SUN5: variants seen among roughly 807,000 people sequenced by gnomAD.
SUN5 encodes Sad1 and UNC84 domain containing 5.
A neutral mutation model predicts 53.7 loss-of-function variants in SUN5; 44 were observed. That is an observed-to-expected ratio of 0.82 (90% CI 0.64 to 1.05). The LOEUF (loss-of-function observed/expected upper bound fraction) is 1.05. Among genes scored for constraint, SUN5 ranks in the 50% least tolerant of loss-of-function variants. SUN5 has a pLI of 0.00. For synonymous variants in SUN5, 166 were observed against 179.8 expected, an observed-to-expected ratio of 0.92 and a Z score of 0.62; for missense variants, 433 against 483.8, an observed-to-expected ratio of 0.90 and a Z score of 0.98.
chr20:33,001,226 C>T lies in SUN5; in HGVS notation c.264G>A (p.Leu88=). ...CSLRTQAQQV[L]FNTCRCKLLC... ...TCCCTGCTCACCTGCACGTGTTAAA[C>T]AGAACCTGCTGGGCCTGAGTTCTCA... The change falls in exon 4 of 13, where the codon CTG becomes CTA. Residue 88 remains leucine, a synonymous_variant. Transcript: ENST00000356173. The T allele has an allele frequency of 6.3e-7, 1 of 1,575,852 alleles. No individual in the cohort carries two copies. Among genetic ancestry groups the T allele is most frequent in the Non-Finnish European group, 8.6e-7 (1 of 1,158,274 alleles).
At chr20:33,001,641 TCCTCCCTCCCTC>T (rs71190887) in intron 3 of SUN5, among the ~76,000 whole-genome samples, 5 of 67,516 alleles carry the variant, frequency 7.4e-5, no homozygotes, top group African/African-American at 2.3e-4. Context: ...TTCTTTCTTT[TCCTCCCTCCCTC>T]CCTCCCTCCC....
rs562605723 is a variant in SUN5 at position 32,986,769 on chromosome 20, C to CA, written c.730-867dup. ...TTCACTACTGCTCCAAACCTGACTG[C>CA]AGCCAGCGCTTTGCAACCCAGCCAC... On this transcript the variant is annotated intron_variant, in intron 10 of 12. Coordinates refer to ENST00000356173, the MANE Select transcript of SUN5 (RefSeq NM_080675.4). Among the ~76,000 whole-genome samples the CA allele has an allele frequency of 5.6e-4, 86 of 152,306 alleles. 1 individual carries two copies. The highest frequency in any genetic ancestry group is 6.8e-3 in the Middle Eastern group (2 of 294).
chr20:32,987,155 G>A (rs1385024017), intron 10 of SUN5, among the ~76,000 whole-genome samples: 1 of 152,222 alleles, frequency 6.6e-6, no homozygotes, highest in South Asian at 2.1e-4. Flanking sequence ...TTCCTCATCT[G>A]TGAGGCAGGA....
intron 4 of SUN5, among the ~76,000 whole-genome samples, 163 bp from the exon 5 acceptor site, chr20:33,000,298 C>G (rs1262230387): frequency 6.6e-6 from 1 of 152,216 alleles, no homozygotes; most frequent in Non-Finnish European, 1.5e-5. Flanking sequence ...ATGTCCCCTC[C>G]TCCAAAGACC....
intron 9 of SUN5, among the ~76,000 whole-genome samples, chr20:32,988,750 A>G (rs141068072): frequency 0.018 from 2,662 of 151,374 alleles, 73 homozygotes; most frequent in African/African-American, 0.06. Flanking sequence ...AACCACGCCC[A>G]GCTAACTTTT....
chr20:32,989,988 T>C (rs958975806), intron 8 of SUN5, among the ~76,000 whole-genome samples: 4 of 152,154 alleles, frequency 2.6e-5, no homozygotes, highest in Admixed American at 6.5e-5. Flanking sequence ...CAACTTTTAC[T>C]GTTGTGGGGC....
intron 5 of SUN5, among the ~76,000 whole-genome samples, chr20:32,998,779 G>T (rs2146336681): frequency 6.6e-6 from 1 of 152,090 alleles, no homozygotes; most frequent in East Asian, 1.9e-4. Context: ...AGCACTTTGG[G>T]AGGCTGAGAT....
At chr20:32,996,246 G>A (rs1421272320) in intron 7 of SUN5, 78 bp downstream of exon 7, 3 of 1,447,696 alleles carry the variant, frequency 2.1e-6, no homozygotes, top group Admixed American at 1.7e-5. Flanking sequence ...GCCTATATTT[G>A]TAGCCAATAC....
intron 6 of SUN5, among the ~76,000 whole-genome samples, chr20:32,996,964 G>T (rs6120076): frequency 0.16 from 23,763 of 152,140 alleles, 1,958 homozygotes; most frequent in African/African-American, 0.21. Flanking sequence ...ACATTGCTGG[G>T]GTGAATAGGA....
At chr20:32,997,614 G>T in intron 6 of SUN5, 24 bp downstream of exon 6, 1 of 1,613,578 alleles carries the variant, frequency 6.2e-7, no homozygotes, top group Non-Finnish European at 8.5e-7. Context: ...TCAGCTGTGG[G>T]GCCTGAGGAG....
chr20:32,999,524 G>A (rs148473034), intron 5 of SUN5, among the ~76,000 whole-genome samples: 5,921 of 152,112 alleles, frequency 0.039, 399 homozygotes, highest in African/African-American at 0.13. Flanking sequence ...CCCGGGAGGC[G>A]GAGGTTGCAG....
chr20:32,993,011 C>G (rs1400978376), intron 8 of SUN5, among the ~76,000 whole-genome samples: 1 of 152,136 alleles, frequency 6.6e-6, no homozygotes, highest in Non-Finnish European at 1.5e-5. Context: ...ACACTCATAC[C>G]TCATGATCCA....
intron 9 of SUN5, among the ~76,000 whole-genome samples, chr20:32,988,930 T>C (rs1028057717): frequency 6.7e-6 from 1 of 150,176 alleles, no homozygotes. Flanking sequence ...TATTTTACTT[T>C]TTTTATTTTT....
At chr20:32,999,737 T>A in intron 5 of SUN5, 1 of 586,064 alleles carries the variant, frequency 1.7e-6, no homozygotes, top group Non-Finnish European at 2.9e-6. Context: ...AGCCAGTATA[T>A]GTCAGTGGAG....
chr20:32,999,929 A>G, intron 5 of SUN5, 145 bp downstream of exon 5: 9 of 1,550,590 alleles, frequency 5.8e-6, no homozygotes, highest in Non-Finnish European at 7.8e-6. Context: ...TCATCATTTC[A>G]TTTCATAATT....
intron 1 of SUN5, among the ~76,000 whole-genome samples, chr20:33,003,662 A>C (rs1342841726): frequency 1.3e-5 from 2 of 152,212 alleles, no homozygotes; most frequent in African/African-American, 4.8e-5. Flanking sequence ...TTTATTAATA[A>C]ATTATATATA....
At chr20:33,000,664 G>A (rs1989976415) in intron 4 of SUN5, among the ~76,000 whole-genome samples, 1 of 152,056 alleles carries the variant, frequency 6.6e-6, no homozygotes, top group Non-Finnish European at 1.5e-5. Context: ...GGGCAACATG[G>A]TGAAACTCTG....
chr20:32,988,479 G>C (rs1481530755), intron 9 of SUN5, among the ~76,000 whole-genome samples: 1 of 152,190 alleles, frequency 6.6e-6, no homozygotes, highest in East Asian at 1.9e-4. Context: ...TCCTCACCAA[G>C]TCTCAGCCCA....
intron 9 of SUN5, among the ~76,000 whole-genome samples, chr20:32,989,033 C>G (rs528861998): frequency 1.3e-5 from 2 of 152,272 alleles, no homozygotes; most frequent in South Asian, 4.1e-4. Context: ...TTACCCCATT[C>G]TCCTACCTCA....
Sources: allele counts gnomAD v4.1 joint callset (sites outside exome capture counted in the v4.1 genomes callset), GRCh38; gene constraint gnomAD v4.1.1; transcripts MANE v1.5; gene names NCBI Gene and HGNC (gene_info 2026-07-23, HGNC 2026-07-21).